The following LRFN5 variants were observed in gnomAD, a reference collection of about 807,000 sequenced individuals.
LRFN5 encodes leucine rich repeat and fibronectin type III domain containing 5.
Under a neutral mutation model 45.6 loss-of-function variants are expected in LRFN5, and 24 were observed. That is an observed-to-expected ratio of 0.53 (90% CI 0.38 to 0.74). The LOEUF (loss-of-function observed/expected upper bound fraction) is 0.74. LRFN5 is among the 30% of genes least tolerant of loss of function. LRFN5 has a pLI of 0.00. For missense variants in LRFN5, 776 were observed against 861.5 expected, an observed-to-expected ratio of 0.90 and a Z score of 1.24; for synonymous variants, 340 against 313.8, an observed-to-expected ratio of 1.08 and a Z score of -0.88.
chr14:41,634,382 C>T (rs368690902), intron 1 of LRFN5, among the ~76,000 whole-genome samples: 1 of 152,124 alleles, frequency 6.6e-6, no homozygotes, highest in Non-Finnish European at 1.5e-5. Context: ...AGAGATAGCC[C>T]TCTGTCTAAT....
At chr14:41,894,633 G>C (rs1420330672) in intron 4 of LRFN5, 2 of 984,024 alleles carry the variant, frequency 2.0e-6, no homozygotes, top group African/African-American at 3.5e-5. Flanking sequence ...TAATTGCAGT[G>C]TGAAGTGACT....
At chr14:41,867,636 T>C (rs1345556310) in intron 2 of LRFN5, among the ~76,000 whole-genome samples, 4 of 152,130 alleles carry the variant, frequency 2.6e-5, no homozygotes, top group Non-Finnish European at 4.4e-5. Context: ...TGATTCTCAG[T>C]TCACAGCAGA....
intron 2 of LRFN5, among the ~76,000 whole-genome samples, chr14:41,842,932 A>G (rs1410534724): frequency 6.6e-6 from 1 of 152,098 alleles, no homozygotes; most frequent in African/African-American, 2.4e-5. Flanking sequence ...GTATTTGATC[A>G]AGATCTTTGC....
intron 4 of LRFN5, chr14:41,894,922 A>T: frequency 1.0e-6 from 1 of 983,694 alleles, no homozygotes; most frequent in Non-Finnish European, 1.2e-6. Context: ...GATCTGAAGC[A>T]TCTGGTTTGC....
chr14:41,841,706 AT>A (rs1435669518), intron 2 of LRFN5, among the ~76,000 whole-genome samples: 2 of 151,712 alleles, frequency 1.3e-5, no homozygotes, highest in Non-Finnish European at 2.9e-5. Flanking sequence ...TTGTACACTC[AT>A]TTTTTATGAG....
chr14:41,634,861 C>T (rs1270499466), intron 1 of LRFN5, among the ~76,000 whole-genome samples: 6 of 151,944 alleles, frequency 3.9e-5, no homozygotes, highest in Non-Finnish European at 8.8e-5. Context: ...TTAAATTATT[C>T]TTAAATATGG....
At chr14:41,754,429 G>A (rs57641668) in intron 1 of LRFN5, among the ~76,000 whole-genome samples, 3,899 of 152,112 alleles carry the variant, frequency 0.026, 163 homozygotes, top group African/African-American at 0.089. Context: ...ATTAATTATT[G>A]CCTCAATTTC....
intron 1 of LRFN5, among the ~76,000 whole-genome samples, chr14:41,738,653 G>A (rs1254955366): frequency 1.3e-5 from 2 of 152,112 alleles, no homozygotes; most frequent in Non-Finnish European, 2.9e-5. Flanking sequence ...GTCTTTTCAA[G>A]ATCCCGTTTT....
intron 1 of LRFN5, among the ~76,000 whole-genome samples, chr14:41,721,812 G>T (rs1414100587): frequency 6.6e-6 from 1 of 151,950 alleles, no homozygotes; most frequent in Non-Finnish European, 1.5e-5. Flanking sequence ...TTTCTTCAGG[G>T]TTAGCCATGG....
rs185257198 is a variant in LRFN5, at chr14:41,884,651, G to A, written c.-20-1955G>A. On this transcript the variant is annotated intron_variant, in intron 2 of 5. Coordinates refer to ENST00000298119, the MANE Select transcript of LRFN5 (RefSeq NM_152447.5). ...ACCACAACTGCTTGAAACTTACATA[G>A]CATTTAACACCCTCCCCTTAACGAT... 5.2e-3 allele frequency among the ~76,000 whole-genome samples: 798 copies of A among 152,194 alleles called. 5 individuals carry two copies. The highest frequency in any genetic ancestry group is 6.9e-3 in the Non-Finnish European group (472 of 67,984).
intron 2 of LRFN5, among the ~76,000 whole-genome samples, chr14:41,840,374 T>C (rs1238894064): frequency 6.6e-6 from 1 of 152,054 alleles, no homozygotes; most frequent in African/African-American, 2.4e-5. Flanking sequence ...TAGTGAAATG[T>C]ATTTTGTGGT....
At chr14:41,655,704 A>G (rs1178410774) in intron 1 of LRFN5, among the ~76,000 whole-genome samples, 2 of 151,990 alleles carry the variant, frequency 1.3e-5, no homozygotes, top group Non-Finnish European at 2.9e-5. Context: ...TTCTGGTAAG[A>G]GAAGATACAT....
At chr14:41,701,270 C>T (rs1882830609) in intron 1 of LRFN5, 1 of 152,136 alleles carries the variant, frequency 6.6e-6, no homozygotes, top group South Asian at 2.1e-4. Flanking sequence ...ATACATAACA[C>T]TTACTCAGCT....
chr14:41,620,117 T>C (rs1330204289), intron 1 of LRFN5, among the ~76,000 whole-genome samples: 1 of 152,116 alleles, frequency 6.6e-6, no homozygotes. Context: ...GTTTCTAGTT[T>C]ATTCTATTGA....
intron 1 of LRFN5, among the ~76,000 whole-genome samples, chr14:41,738,799 G>T (rs1391968634): frequency 6.6e-6 from 1 of 152,096 alleles, no homozygotes; most frequent in Non-Finnish European, 1.5e-5. Context: ...AATGTAGGTT[G>T]TTTTATATTC....
At chr14:41,741,717 C>T (rs1337580368) in intron 1 of LRFN5, among the ~76,000 whole-genome samples, 1 of 151,144 alleles carries the variant, frequency 6.6e-6, no homozygotes, top group African/African-American at 2.4e-5. Flanking sequence ...AACTAAAAAG[C>T]TTTGATGCAG....
At chr14:41,716,819 CT>C (rs1236224486) in intron 1 of LRFN5, among the ~76,000 whole-genome samples, 1 of 152,214 alleles carries the variant, frequency 6.6e-6, no homozygotes, top group African/African-American at 2.4e-5. Context: ...TGCTAATACA[CT>C]GTTAAATTAG....
chr14:41,784,888 C>T (rs1886663425), intron 2 of LRFN5, among the ~76,000 whole-genome samples: 1 of 152,142 alleles, frequency 6.6e-6, no homozygotes, highest in Non-Finnish European at 1.5e-5. Flanking sequence ...CTCATTCTCC[C>T]AAAGTGCTGG....
At chr14:41,791,897 G>T (rs190691268) in intron 2 of LRFN5, among the ~76,000 whole-genome samples, 1 of 152,182 alleles carries the variant, frequency 6.6e-6, no homozygotes, top group East Asian at 1.9e-4. Context: ...TGAATATGAA[G>T]CATCATATAA....
Sources: gnomAD v4.1 joint callset for allele counts (sites outside exome capture counted in the v4.1 genomes callset) on GRCh38, gnomAD v4.1.1 for gene constraint, MANE v1.5 for transcripts, NCBI Gene and HGNC (gene_info 2026-07-23, HGNC 2026-07-21) for gene names.